Variants in CDH23 observed in about 807,000 individuals in gnomAD.
The protein encoded by CDH23 is cadherin-23.
CDH23 carries 189 observed loss-of-function variants against 317.1 expected under a neutral mutation model. That is an observed-to-expected ratio of 0.60 (90% CI 0.53 to 0.67). CDH23 has a LOEUF of 0.67. CDH23 is among the 30% of genes least tolerant of loss of function. The pLI is 0.00. For missense variants in CDH23, 4,401 were observed against 4,592.4 expected (o/e 0.96, Z 1.20); for synonymous variants, 1,839 against 1,876.8 (o/e 0.98, Z 0.52).
At chr10:71,726,591 T>C (rs181213259) in intron 30 of CDH23, among the ~76,000 whole-genome samples, 2 of 152,354 alleles carry the variant, frequency 1.3e-5, no homozygotes, top group African/African-American at 4.8e-5. Context: ...TCAGATCCCC[T>C]GGTTCTTACA....
chr10:71,599,580 G>T (rs1400315574), intron 9 of CDH23, among the ~76,000 whole-genome samples: 1 of 152,164 alleles, frequency 6.6e-6, no homozygotes, highest in Non-Finnish European at 1.5e-5. Context: ...GATGATTGTT[G>T]CATCTGGGTG....
intron 3 of CDH23, among the ~76,000 whole-genome samples, chr10:71,462,182 G>A (rs985924108): frequency 3.9e-5 from 6 of 152,218 alleles, no homozygotes; most frequent in South Asian, 2.1e-4. Context: ...AGGCAGGCCC[G>A]GGAGGCGAGG....
chr10:71,796,888 C>A, intron 48 of CDH23: 1 of 474,364 alleles, frequency 2.1e-6, no homozygotes. Context: ...ATAACTTCCC[C>A]AACATCACCT....
intron 66 of CDH23, 180 bp downstream of exon 66, chr10:71,812,195 G>A (rs1841954888): frequency 3.2e-6 from 5 of 1,583,772 alleles, no homozygotes; most frequent in Non-Finnish European, 4.3e-6. Flanking sequence ...GGCTGACAGG[G>A]GCTCTCCACC....
intron 6 of CDH23, among the ~76,000 whole-genome samples, chr10:71,545,417 T>C (rs529769010): frequency 1.3e-5 from 2 of 152,336 alleles, no homozygotes; most frequent in South Asian, 4.1e-4. Flanking sequence ...TCGTCATCAA[T>C]GAGCCTGCCC....
intron 6 of CDH23, among the ~76,000 whole-genome samples, chr10:71,561,845 G>A (rs1341890295): frequency 6.6e-6 from 1 of 152,114 alleles, no homozygotes; most frequent in Non-Finnish European, 1.5e-5. Context: ...ACTGGGCAGG[G>A]GGGTACCATG....
At chr10:71,400,411 A>G (rs1260159133) in intron 1 of CDH23, among the ~76,000 whole-genome samples, 1 of 147,844 alleles carries the variant, frequency 6.8e-6, no homozygotes. Context: ...CAAGGTGATG[A>G]GGAGGAACTA....
chr10:71,403,087 A>T (rs1443405200), intron 1 of CDH23, among the ~76,000 whole-genome samples: 1 of 152,048 alleles, frequency 6.6e-6, no homozygotes, highest in Non-Finnish European at 1.5e-5. Context: ...GCGCCACTGC[A>T]CTCCAGCCTG....
At chr10:71,703,197 T>C (rs996252516) in intron 24 of CDH23, among the ~76,000 whole-genome samples, 1 of 152,206 alleles carries the variant, frequency 6.6e-6, no homozygotes, top group Non-Finnish European at 1.5e-5. Context: ...TTGCCTCCTG[T>C]TCCATCATCC....
At chr10:71,567,359 C>A (rs1365440798) in intron 7 of CDH23, among the ~76,000 whole-genome samples, 2 of 152,214 alleles carry the variant, frequency 1.3e-5, no homozygotes, top group African/African-American at 4.8e-5. Flanking sequence ...CCAGCTGTGT[C>A]CTGACACCAT....
At chr10:71,673,179 C>T (rs1361124164) in intron 14 of CDH23, among the ~76,000 whole-genome samples, 1 of 152,236 alleles carries the variant, frequency 6.6e-6, no homozygotes, top group Non-Finnish European at 1.5e-5. Context: ...ATGCCAGGCA[C>T]CGTCTGTGCT....
At chr10:71,592,092 A>T (rs970882180) in intron 9 of CDH23, among the ~76,000 whole-genome samples, 1 of 152,154 alleles carries the variant, frequency 6.6e-6, no homozygotes, top group African/African-American at 2.4e-5. Flanking sequence ...AAGATGCAAG[A>T]TGATTTGAAG....
intron 3 of CDH23, among the ~76,000 whole-genome samples, chr10:71,478,586 A>G (rs1026238192): frequency 6.6e-6 from 1 of 152,154 alleles, no homozygotes; most frequent in Non-Finnish European, 1.5e-5. Flanking sequence ...TTCATTTTAC[A>G]TCTCCAGGAT....
intron 38 of CDH23, among the ~76,000 whole-genome samples, chr10:71,776,744 A>G (rs1004823899): frequency 2.0e-5 from 3 of 152,228 alleles, no homozygotes; most frequent in Non-Finnish European, 2.9e-5. Context: ...AAACACAGCC[A>G]TGGGCAGAAC....
At chr10:71,738,909 C>T (rs187093283) in intron 35 of CDH23, among the ~76,000 whole-genome samples, 22 of 152,388 alleles carry the variant, frequency 1.4e-4, no homozygotes, top group African/African-American at 4.3e-4. Flanking sequence ...AGTTGTTTTC[C>T]GGGTAACTCC....
chr10:71,434,014 G>A (rs1690347191), intron 1 of CDH23, among the ~76,000 whole-genome samples: 1 of 152,062 alleles, frequency 6.6e-6, no homozygotes, highest in African/African-American at 2.4e-5. Context: ...GATGGACCCT[G>A]AGATCTCTCT....
intron 6 of CDH23, among the ~76,000 whole-genome samples, chr10:71,540,870 G>C (rs988319537): frequency 4.5e-4 from 69 of 151,972 alleles, no homozygotes; most frequent in African/African-American, 1.4e-3. Flanking sequence ...TCTGCTTGCT[G>C]TCCCTGGGCC....
chr10:71,734,496 C>A (rs192911878), intron 33 of CDH23, 155 bp downstream of exon 33: 387 of 972,446 alleles, frequency 4.0e-4, no homozygotes, highest in Non-Finnish European at 4.6e-4. Context: ...CCATGCCACA[C>A]CTTCCCAGCA....
chr10:71,715,702 C>G (rs972170744), intron 28 of CDH23: 1 of 403,180 alleles, frequency 2.5e-6, no homozygotes, highest in Non-Finnish European at 4.4e-6. Flanking sequence ...ATCTCTTGAC[C>G]AGAAGTCTTT....
Sources: gnomAD v4.1 joint callset for allele counts (sites outside exome capture counted in the v4.1 genomes callset) on GRCh38, gnomAD v4.1.1 for gene constraint, MANE v1.5 for transcripts, NCBI Gene and HGNC (gene_info 2026-07-23, HGNC 2026-07-21) for gene names.